Variants in ZCCHC8 observed in about 807,000 individuals in gnomAD.
The protein encoded by ZCCHC8 is zinc finger CCHC domain-containing protein 8.
ZCCHC8 carries 27 observed loss-of-function variants against 70.6 expected under a neutral mutation model. That is an observed-to-expected ratio of 0.38 (90% CI 0.28 to 0.53). The LOEUF is 0.53. Among genes scored for constraint, ZCCHC8 ranks in the 20% least tolerant of loss-of-function variants. The pLI is 0.81. For missense variants in ZCCHC8, 737 were observed against 876.9 expected (o/e 0.84, Z 2.01); for synonymous variants, 293 against 317.4 (o/e 0.92, Z 0.82).
In ZCCHC8 at chr12:122,490,576, G is replaced by C. The variant is rs570822818; in HGVS notation, c.318-9C>G. On this transcript the variant is annotated splice_polypyrimidine_tract_variant and intron_variant, in intron 3 of 13. Coordinates refer to ENST00000633063, the MANE Select transcript of ZCCHC8 (RefSeq NM_017612.5). ...TTTCTTGATGATATTGCCTGTGTAA[G>C]AGGACAAAATGGTCAGAACCCAGAC... 2 of 1,577,246 alleles carry C rather than the reference G, an allele frequency of 1.3e-6. No individual in the cohort carries two copies. Among genetic ancestry groups the C allele is most frequent in the Non-Finnish European group, 1.7e-6 (2 of 1,153,666 alleles).
chr12:122,492,215 C>G (rs73222264), intron 3 of ZCCHC8: 3,488 of 167,200 alleles, frequency 0.021, 54 homozygotes, highest in Non-Finnish European at 0.033. Context: ...CAGGGTCACC[C>G]TAAACCCTGA....
chr12:122,498,304 G>T (rs1403327441), intron 2 of ZCCHC8, among the ~76,000 whole-genome samples: 1 of 151,420 alleles, frequency 6.6e-6, no homozygotes, highest in Non-Finnish European at 1.5e-5. Context: ...GCTTATTTTT[G>T]TAATTTTAGT....
intron 2 of ZCCHC8, among the ~76,000 whole-genome samples, chr12:122,495,068 A>G (rs1957805998): frequency 6.6e-6 from 1 of 152,224 alleles, no homozygotes; most frequent in African/African-American, 2.4e-5. Flanking sequence ...ACATTGAAAT[A>G]CTTGGGCTGA....
intron 13 of ZCCHC8, among the ~76,000 whole-genome samples, chr12:122,477,424 G>A (rs1013423353): frequency 1.3e-5 from 2 of 149,974 alleles, no homozygotes; most frequent in African/African-American, 4.9e-5. Context: ...AAAGTGCTGG[G>A]ATTACAGGCG....
At chr12:122,496,126 G>C (rs901842762) in intron 2 of ZCCHC8, among the ~76,000 whole-genome samples, 5 of 151,646 alleles carry the variant, frequency 3.3e-5, no homozygotes, top group Non-Finnish European at 7.4e-5. Context: ...GTAACTGCAC[G>C]ACTGCAGTCC....
chr12:122,475,291 C>T (rs1202601010), intron 13 of ZCCHC8, among the ~76,000 whole-genome samples: 6 of 152,044 alleles, frequency 3.9e-5, no homozygotes, highest in Admixed American at 3.3e-4. Flanking sequence ...GTGATCCGCC[C>T]ACCTCGGCCT....
chr12:122,480,480 T>C, intron 10 of ZCCHC8, 169 bp from the exon 11 acceptor site: 2 of 562,602 alleles, frequency 3.6e-6, no homozygotes, highest in Non-Finnish European at 5.6e-6. Flanking sequence ...GAACTTTTTT[T>C]TTTTTTTTTT....
At position 122,500,932 on chromosome 12, in the gene ZCCHC8, T is replaced by C; in HGVS notation, c.-92A>G. The C allele has an allele frequency of 5.8e-6, 8 of 1,369,530 alleles. No individual in the cohort carries two copies. The highest frequency in any genetic ancestry group is 7.0e-6 in the Non-Finnish European group (7 of 1,003,768). The allele number at this position is 1,369,530 out of a possible 1,614,324, so 84.8% of individuals were successfully genotyped here. ...AAGGCGGCACCACTCTCTAGAGCTC[T>C]GGCCGCACGGAGCCACCCGCTAGGG... On this transcript the variant is annotated 5_prime_UTR_variant, in exon 1 of 14. Coordinates refer to ENST00000633063, the MANE Select transcript of ZCCHC8 (RefSeq NM_017612.5). This position sits in a 1 kb window ranked among gnomAD's most constrained non-coding sequence, Gnocchi z 4.8.
In ZCCHC8 at chr12:122,483,574, C is replaced by T; in HGVS notation, c.502-11G>A. On this transcript the variant is annotated splice_polypyrimidine_tract_variant and intron_variant, in intron 5 of 13. Coordinates refer to ENST00000633063, the MANE Select transcript of ZCCHC8 (RefSeq NM_017612.5). This position sits in a 1 kb window ranked among gnomAD's most constrained non-coding sequence, Gnocchi z 4.4. Reference sequence around the variant, plus strand: ...GACACTTCCTACAACCTGCAGAAAACAAGTCAAAAAATATTGCTATTTAAG... The same window carrying T: ...GACACTTCCTACAACCTGCAGAAAATAAGTCAAAAAATATTGCTATTTAAG... The T allele has an allele frequency of 6.4e-7, 1 of 1,551,816 alleles. No homozygotes were observed. Among genetic ancestry groups the T allele is most frequent in the Non-Finnish European group, 8.7e-7 (1 of 1,144,102 alleles).
rs749104052 is a variant in ZCCHC8, at chr12:122,480,170, A to T, written c.1140+20T>A. 26 of 1,538,228 alleles carry T rather than the reference A, an allele frequency of 1.7e-5. No individual in the cohort carries two copies. The highest frequency in any genetic ancestry group is 7.0e-5 in the East Asian group (3 of 42,890). ...ATAATATCACATCACATGATAATTT[A>T]AAAAAATCAATATACTTACGTCTGG... On this transcript the variant is annotated intron_variant, in intron 11 of 13. Transcript: ENST00000633063.
At position 122,483,219 on chromosome 12, in the gene ZCCHC8, A is replaced by G; in HGVS notation, c.671+60T>C. 3 of 1,488,776 alleles carry G rather than the reference A, an allele frequency of 2.0e-6. No individual in the cohort carries two copies. Among genetic ancestry groups the G allele is most frequent in the Non-Finnish European group, 2.7e-6 (3 of 1,097,204 alleles). The allele number at this position is 1,488,776 out of a possible 1,614,324, so 92.2% of individuals were successfully genotyped here. On this transcript the variant is annotated intron_variant, in intron 7 of 13. Coordinates refer to ENST00000633063, the MANE Select transcript of ZCCHC8 (RefSeq NM_017612.5). The surrounding 1 kb of genome is among the most constrained non-coding windows in gnomAD (Gnocchi z 4.4). The stretch of plus-strand genomic sequence containing the variant: ...AAAGAACATGAACTTTTCAAGCCAA[A>G]AGTTTATGATTTTGGTTAAAAAAGT...
At chr12:122,485,773 C>A (rs1268804757) in intron 5 of ZCCHC8, among the ~76,000 whole-genome samples, 2 of 151,906 alleles carry the variant, frequency 1.3e-5, no homozygotes, top group East Asian at 3.9e-4. Flanking sequence ...CAGGTTCATG[C>A]CATTCTCCCG....
Position 122,500,721 on chromosome 12 carries a change from G to T in ZCCHC8, c.120C>A (p.Asp40Glu). The change falls in exon 1 of 14, where the codon GAC (aspartate) becomes GAA (glutamate). Residue 40 changes from aspartate to glutamate, a missense_variant. Physicochemically the swap from Asp to Glu is conservative, Grantham distance 45 (BLOSUM62 2). Transcript: ENST00000633063. The surrounding 1 kb of genome is among the most constrained non-coding windows in gnomAD (Gnocchi z 4.8). ...GCTCCGCGTCGCCGACCCCATTTTC[G>T]TCCTCCTCGTCGCCGTCGTCGTCCT... is the stretch of plus-strand genomic sequence containing the variant. ...RFKDDDGDEE[D>E]ENGVGDAELR... is the part of the protein sequence containing the mutation. 1 of 1,583,020 alleles carries T rather than the reference G, an allele frequency of 6.3e-7. No homozygotes were observed. Among genetic ancestry groups the T allele is most frequent in the Non-Finnish European group, 8.6e-7 (1 of 1,165,068 alleles).
intron 2 of ZCCHC8, 59 bp from the exon 3 acceptor site, chr12:122,492,848 T>C: frequency 9.0e-7 from 1 of 1,109,958 alleles, no homozygotes; most frequent in Non-Finnish European, 1.3e-6. Context: ...TGCATACGTA[T>C]ATATAAACGC....
intron 2 of ZCCHC8, among the ~76,000 whole-genome samples, chr12:122,498,286 C>G (rs560580908): frequency 2.0e-5 from 3 of 151,958 alleles, no homozygotes; most frequent in Non-Finnish European, 4.4e-5. Flanking sequence ...AGGCGCCCAC[C>G]ACGTCCAGCT....
chr12:122,494,279 C>T (rs1351796292), intron 2 of ZCCHC8, among the ~76,000 whole-genome samples: 1 of 152,022 alleles, frequency 6.6e-6, no homozygotes, highest in Non-Finnish European at 1.5e-5. Flanking sequence ...AGAGGCTGGG[C>T]GCAGTGGCTC....
intron 11 of ZCCHC8, among the ~76,000 whole-genome samples, chr12:122,479,696 T>A (rs1159986500): frequency 6.6e-6 from 1 of 152,176 alleles, no homozygotes; most frequent in East Asian, 1.9e-4. Flanking sequence ...TTTGGCTCCC[T>A]TTCTGAGGGC....
At chr12:122,493,005 C>T (rs892916856) in intron 2 of ZCCHC8, among the ~76,000 whole-genome samples, 2 of 151,946 alleles carry the variant, frequency 1.3e-5, no homozygotes, top group Non-Finnish European at 1.5e-5. Context: ...GTAGCTGGGA[C>T]CACAGGTGCA....
In ZCCHC8 at chr12:122,473,778, C is replaced by A; in HGVS notation, c.1843G>T (p.Ala615Ser). The change falls in exon 14 of 14, where the codon GCT (alanine) becomes TCT (serine). Residue 615 changes from alanine (A) to serine (S), a missense_variant. Transcript: ENST00000633063. ...AGGGCACCTTCAGTGTTTACCGGAG[C>A]CAACTCTGCTTTTTCCTTCTGACAA... The part of the protein sequence containing the change: ...SLCQKEKAEL[A>S]PVNTEGALLD... The A allele has an allele frequency of 6.2e-7, 1 of 1,612,992 alleles. No individual in the cohort carries two copies. Among genetic ancestry groups the A allele is most frequent in the Non-Finnish European group, 8.5e-7 (1 of 1,179,200 alleles).
Sources: gnomAD v4.1 joint callset for allele counts (sites outside exome capture counted in the v4.1 genomes callset) on GRCh38, gnomAD v4.1.1 for gene constraint, Gnocchi (gnomAD v3.1) non-coding constraint, MANE v1.5 for transcripts, NCBI Gene and HGNC (gene_info 2026-07-23, HGNC 2026-07-21) for gene names.